TLL2: variants seen among roughly 807,000 people sequenced by gnomAD.
TLL2 encodes the protein tolloid-like protein 2.
TLL2 carries 106 observed loss-of-function variants against 123.0 expected under a neutral mutation model. The observed-to-expected ratio is 0.86, with a 90% CI of 0.74 to 1.01. The LOEUF is 1.01. Among genes scored for constraint, TLL2 ranks in the 50% least tolerant of loss-of-function variants. The pLI is 0.00. For missense variants in TLL2, 1,332 were observed against 1,336.7 expected (o/e 1.00, Z 0.06); for synonymous variants, 494 against 516.8 (o/e 0.96, Z 0.60).
chr10:96,452,664 C>T (rs1395330427), intron 2 of TLL2, among the ~76,000 whole-genome samples: 5 of 152,190 alleles, frequency 3.3e-5, no homozygotes, highest in African/African-American at 9.7e-5. Flanking sequence ...AAAGAGGGCC[C>T]GTCTGACTCC....
chr10:96,383,970 T>A (rs1055578347), intron 16 of TLL2, among the ~76,000 whole-genome samples: 18 of 152,288 alleles, frequency 1.2e-4, no homozygotes, highest in African/African-American at 4.1e-4. Flanking sequence ...GTCTCAGGTA[T>A]GTTGTGAAAA....
chr10:96,397,294 A>G lies in TLL2; in HGVS notation c.1276T>C (p.Cys426Arg). 2 of 1,612,306 alleles carry G rather than the reference A, an allele frequency of 1.2e-6. No homozygotes were observed. The highest frequency in any genetic ancestry group is 1.7e-6 in the Non-Finnish European group (2 of 1,179,042). ...WRKAPLLGRF[C>R]GDKIPEPLVS... ...AGGGGCTCCGGGATCTTATCGCCAC[A>G]AAACCTGCCTGGAAAGTGGAAAAAG... The change falls in exon 11 of 21, where the codon TGT (cysteine) becomes CGT (arginine). Residue 426 changes from cysteine (C) to arginine (R), a missense_variant. Transcript: ENST00000357947.
At chr10:96,417,255 T>C (rs1471330366) in intron 7 of TLL2, among the ~76,000 whole-genome samples, 3 of 152,166 alleles carry the variant, frequency 2.0e-5, no homozygotes, top group African/African-American at 4.8e-5. Context: ...GGGGAAACTA[T>C]TGACAAAATG....
At chr10:96,405,123 C>G in intron 10 of TLL2, 109 bp downstream of exon 10, 1 of 958,394 alleles carries the variant, frequency 1.0e-6, no homozygotes, top group East Asian at 2.4e-5. Flanking sequence ...ATGACAGAGG[C>G]CCTTGAGAGT....
chr10:96,420,344 C>T (rs187176104), intron 7 of TLL2, among the ~76,000 whole-genome samples: 4 of 152,338 alleles, frequency 2.6e-5, no homozygotes, highest in African/African-American at 9.6e-5. Flanking sequence ...CACATCAGAA[C>T]AGCTCATCAG....
chr10:96,434,233 A>G (rs1846772097), intron 3 of TLL2, among the ~76,000 whole-genome samples: 1 of 152,242 alleles, frequency 6.6e-6, no homozygotes. Context: ...CTTTTAAAGT[A>G]TACCATTCAG....
chr10:96,374,032 A>C, intron 18 of TLL2: 1 of 553,230 alleles, frequency 1.8e-6, no homozygotes, highest in Non-Finnish European at 3.3e-6. Flanking sequence ...AAGTAGTTAC[A>C]TGAGCTATTG....
Position 96,376,716 on chromosome 10 carries a change from C to A in TLL2, c.2424G>T (p.Ser808=). Residue 808 remains serine (S), a synonymous_variant, in exon 18 of 21, where the codon TCG becomes TCT. Transcript: ENST00000357947. ...CGAGTTTCACTCTGTGGCCTGCAGT[C>A]GAAGAGATGTTCCAGGTACACTCCC... ...SRRECTWNIS[S]TAGHRVKLTF... 1 of 1,609,786 alleles carries A rather than the reference C, an allele frequency of 6.2e-7. No individual in the cohort carries two copies. The highest frequency in any genetic ancestry group is 1.1e-5 in the South Asian group (1 of 90,586).
chr10:96,370,817 TA>T (rs1846075361), intron 19 of TLL2, among the ~76,000 whole-genome samples: 1 of 152,110 alleles, frequency 6.6e-6, no homozygotes, highest in Non-Finnish European at 1.5e-5. Context: ...CCTCAGACCC[TA>T]AATGACTGGT....
At chr10:96,430,215 C>T (rs1846723613) in intron 4 of TLL2, among the ~76,000 whole-genome samples, 1 of 152,062 alleles carries the variant, frequency 6.6e-6, no homozygotes. Flanking sequence ...AGTGCCATCC[C>T]CTTGGTGAAT....
intron 4 of TLL2, among the ~76,000 whole-genome samples, chr10:96,429,718 T>C (rs1221790169): frequency 3.3e-5 from 5 of 152,236 alleles, no homozygotes; most frequent in Non-Finnish European, 7.3e-5. Context: ...CTTTAAAATT[T>C]CTATTTGCAT....
chr10:96,385,833 T>G (rs372380933), intron 15 of TLL2, among the ~76,000 whole-genome samples: 1 of 152,178 alleles, frequency 6.6e-6, no homozygotes, highest in Non-Finnish European at 1.5e-5. Context: ...TCTCCTTGGA[T>G]GTATCAGCGA....
chr10:96,462,433 GATAA>G (rs1258644583), intron 2 of TLL2, among the ~76,000 whole-genome samples: 3 of 152,338 alleles, frequency 2.0e-5, no homozygotes, highest in South Asian at 4.2e-4. Context: ...ATCAGTGGCT[GATAA>G]ATGACAGAAA....
intron 4 of TLL2, 29 bp downstream of exon 4, chr10:96,432,778 C>G (rs554719521): frequency 6.2e-7 from 1 of 1,606,224 alleles, no homozygotes; most frequent in East Asian, 2.2e-5. Context: ...CACCCTGACC[C>G]AAAGCAGACC....
intron 10 of TLL2, among the ~76,000 whole-genome samples, chr10:96,403,077 C>T (rs1314187125): frequency 6.6e-6 from 1 of 152,184 alleles, no homozygotes; most frequent in East Asian, 1.9e-4. Context: ...CCCTACAGAC[C>T]CCTCTACGAG....
chr10:96,376,894 G>GAGACCCCCCTAGAA, intron 17 of TLL2, 75 bp from the exon 18 acceptor site: 1 of 1,428,554 alleles, frequency 7.0e-7, no homozygotes, highest in Non-Finnish European at 9.2e-7. Context: ...TTCTAGGGGG[G>GAGACCCCCCTAGAA]TCTCCTCCCC....
At chr10:96,402,571 A>C (rs1478448740) in intron 10 of TLL2, among the ~76,000 whole-genome samples, 3 of 152,184 alleles carry the variant, frequency 2.0e-5, no homozygotes, top group South Asian at 4.1e-4. Flanking sequence ...ATGCCTGCTC[A>C]TAGTAGGCAG....
At chr10:96,407,826 C>T (rs375640922) in intron 9 of TLL2, among the ~76,000 whole-genome samples, 4 of 152,278 alleles carry the variant, frequency 2.6e-5, no homozygotes, top group South Asian at 4.1e-4. Flanking sequence ...TGCGCGCACG[C>T]GTGGGTGCAT....
At chr10:96,469,883 G>A (rs966498228) in intron 2 of TLL2, among the ~76,000 whole-genome samples, 5 of 152,150 alleles carry the variant, frequency 3.3e-5, no homozygotes, top group African/African-American at 7.2e-5. Context: ...AGAGCTGTGG[G>A]GTCGATCCCA....
Sources: allele counts gnomAD v4.1 joint callset (sites outside exome capture counted in the v4.1 genomes callset), GRCh38; gene constraint gnomAD v4.1.1; transcripts MANE v1.5; gene names NCBI Gene and HGNC (gene_info 2026-07-23, HGNC 2026-07-21).